Variants in FAM81B observed in about 807,000 individuals in gnomAD.
FAM81B encodes the protein family with sequence similarity 81 member B.
Under a neutral mutation model 58.7 loss-of-function variants are expected in FAM81B, and 60 were observed. That is an observed-to-expected ratio of 1.02 (90% confidence interval 0.83 to 1.27). FAM81B has a LOEUF of 1.27. Ranked by LOEUF, FAM81B falls within the 50% of genes most tolerant of loss-of-function variation. The pLI is 0.00. For synonymous variants in FAM81B, 189 were observed against 179.6 expected (o/e 1.05, Z -0.42); for missense variants, 491 against 522.0 (o/e 0.94, Z 0.58).
intron 5 of FAM81B, among the ~76,000 whole-genome samples, chr5:95,426,899 A>T (rs964330535): frequency 6.6e-6 from 1 of 152,152 alleles, no homozygotes; most frequent in Non-Finnish European, 1.5e-5. Flanking sequence ...ATACAAAAAA[A>T]TTAGCCAGGC....
intron 3 of FAM81B, 59 bp downstream of exon 3, chr5:95,396,234 C>A (rs1761963457): frequency 2.2e-6 from 3 of 1,355,558 alleles, no homozygotes; most frequent in South Asian, 1.4e-5. Flanking sequence ...TGACAAATCT[C>A]ACACGCAAAA....
intron 2 of FAM81B, 61 bp from the exon 3 acceptor site, chr5:95,396,050 G>T (rs1582778639): frequency 7.7e-7 from 1 of 1,291,838 alleles, no homozygotes; most frequent in East Asian, 2.3e-5. Flanking sequence ...AAGATAAACT[G>T]CATAGAAGTA....
chr5:95,414,264 T>C (rs909130510), intron 4 of FAM81B, 74 bp downstream of exon 4: 16 of 1,474,046 alleles, frequency 1.1e-5, no homozygotes, highest in Admixed American at 2.1e-5. Context: ...TTATCAACCA[T>C]CAGTGTCATT....
intron 3 of FAM81B, among the ~76,000 whole-genome samples, chr5:95,398,510 G>A (rs1561289624): frequency 6.6e-6 from 1 of 152,106 alleles, no homozygotes; most frequent in Non-Finnish European, 1.5e-5. Context: ...GGATTGACAT[G>A]CAAACAGAGT....
chr5:95,448,312 C>T lies in FAM81B; in HGVS notation c.1073C>T (p.Ser358Leu). 6.2e-7 allele frequency: 1 copy of T among 1,607,708 alleles called. No homozygotes were observed. Among genetic ancestry groups the T allele is most frequent in the African/African-American group, 1.3e-5 (1 of 74,664 alleles). ...ATGGAAGAAAAACTGCTGCAGCTTT[C>T]AAGCAAAGTAGAGAATTTCATTAAC... ...NKMEEKLLQL[S>L]SKVENFINTQ... Residue 358 changes from serine to leucine, a missense_variant, in exon 9 of 10, where the codon TCA (serine) becomes TTA (leucine). Coordinates refer to ENST00000283357, the MANE Select transcript of FAM81B (RefSeq NM_152548.3).
intron 4 of FAM81B, among the ~76,000 whole-genome samples, chr5:95,418,842 T>C (rs1762605575): frequency 6.6e-6 from 1 of 152,178 alleles, no homozygotes; most frequent in East Asian, 1.9e-4. Context: ...CTGAAATCTA[T>C]AATGATATAT....
At chr5:95,446,043 G>A (rs908754340) in intron 7 of FAM81B, among the ~76,000 whole-genome samples, 1 of 152,104 alleles carries the variant, frequency 6.6e-6, no homozygotes, top group Admixed American at 6.6e-5. Context: ...GACTATAACC[G>A]TACTCATTTC....
chr5:95,448,423 T>G lies in FAM81B; in HGVS notation c.1184T>G (p.Ile395Ser). Residue 395 changes from isoleucine to serine, a missense_variant, in exon 9 of 10, where the codon ATC becomes AGC. Transcript: ENST00000283357. ...SKKMEQMEKQ[I>S]WGELETMQNE... ...AAGATGGAACAAATGGAAAAGCAGA[T>G]CTGGGGTGAATTAGAGACAATGCAG... is the stretch of plus-strand genomic sequence containing the variant. 1 of 1,610,782 alleles carries G rather than the reference T, an allele frequency of 6.2e-7. No homozygotes were observed. The highest frequency in any genetic ancestry group is 1.3e-5 in the African/African-American group (1 of 74,770).
intron 3 of FAM81B, among the ~76,000 whole-genome samples, chr5:95,412,029 G>T (rs7716264): frequency 0.27 from 41,267 of 152,028 alleles, 5,836 homozygotes; most frequent in Non-Finnish European, 0.3. Flanking sequence ...AAAATTCAAC[G>T]TTTGAAAAAG....
chr5:95,431,355 T>A (rs1358980206), intron 6 of FAM81B, among the ~76,000 whole-genome samples: 1 of 152,054 alleles, frequency 6.6e-6, no homozygotes, highest in Non-Finnish European at 1.5e-5. Flanking sequence ...TTAACTACTG[T>A]TTTAATTATT....
intron 2 of FAM81B, among the ~76,000 whole-genome samples, chr5:95,395,468 A>G (rs946759629): frequency 2.0e-5 from 3 of 148,600 alleles, no homozygotes; most frequent in African/African-American, 7.4e-5. Flanking sequence ...AAAAGAATTT[A>G]AGGCATTTTT....
intron 5 of FAM81B, among the ~76,000 whole-genome samples, chr5:95,421,105 T>C (rs1762669197): frequency 6.6e-6 from 1 of 152,240 alleles, no homozygotes; most frequent in Non-Finnish European, 1.5e-5. Flanking sequence ...ACCCATTTAA[T>C]TCAACAAAAA....
intron 7 of FAM81B, among the ~76,000 whole-genome samples, chr5:95,442,561 T>C (rs929518035): frequency 2.0e-5 from 3 of 152,224 alleles, no homozygotes; most frequent in African/African-American, 7.2e-5. Flanking sequence ...CTCACAATTC[T>C]GTCTATTGAA....
At chr5:95,412,144 C>CT (rs34925496) in intron 3 of FAM81B, among the ~76,000 whole-genome samples, 38,304 of 149,764 alleles carry the variant, frequency 0.26, 5,071 homozygotes, top group Middle Eastern at 0.3. Context: ...TGAATTGCTG[C>CT]TTTTTTTTTT....
intron 6 of FAM81B, among the ~76,000 whole-genome samples, chr5:95,434,754 T>C (rs537969083): frequency 6.6e-6 from 1 of 152,382 alleles, no homozygotes; most frequent in South Asian, 2.1e-4. Context: ...TGTATAATTA[T>C]GAAAATATTT....
intron 3 of FAM81B, among the ~76,000 whole-genome samples, chr5:95,399,779 G>T (rs1257027652): frequency 2.0e-5 from 3 of 152,180 alleles, no homozygotes; most frequent in Admixed American, 2.0e-4. Flanking sequence ...ATGGGAGCCA[G>T]GCAGGAAAGG....
At chr5:95,449,048 G>A (rs1400848415) in intron 9 of FAM81B, among the ~76,000 whole-genome samples, 1 of 152,226 alleles carries the variant, frequency 6.6e-6, no homozygotes, top group Non-Finnish European at 1.5e-5. Flanking sequence ...TGGAATAGGT[G>A]CTGTGGTGCA....
intron 8 of FAM81B, 139 bp downstream of exon 8, chr5:95,446,836 T>C (rs1745586690): frequency 2.0e-6 from 2 of 1,007,886 alleles, no homozygotes; most frequent in African/African-American, 1.7e-5. Flanking sequence ...AACACCACAA[T>C]AGGAGTCCAG....
At chr5:95,422,224 G>T (rs562762836) in intron 5 of FAM81B, among the ~76,000 whole-genome samples, 22 of 151,746 alleles carry the variant, frequency 1.4e-4, no homozygotes, top group Admixed American at 9.8e-4. Flanking sequence ...TAATACATAT[G>T]GTTGAAAAAC....
Sources: allele counts gnomAD v4.1 joint callset (sites outside exome capture counted in the v4.1 genomes callset), GRCh38; gene constraint gnomAD v4.1.1; transcripts MANE v1.5; gene names NCBI Gene and HGNC (gene_info 2026-07-23, HGNC 2026-07-21).